AGBL1: variants seen among roughly 807,000 people sequenced by gnomAD.
The protein encoded by AGBL1 is AGBL carboxypeptidase 1.
In AGBL1, 130 loss-of-function variants were observed where a neutral mutation model predicts 118.9. That is an observed-to-expected ratio of 1.09 (90% CI 0.95 to 1.26). The LOEUF (loss-of-function observed/expected upper bound fraction) is 1.26. Among genes scored for constraint, AGBL1 ranks in the 50% most tolerant of loss-of-function variants. AGBL1 has a pLI of 0.00. For synonymous variants in AGBL1, 555 were observed against 478.9 expected (o/e 1.16, Z -2.08); for missense variants, 1,584 against 1,298.1 (o/e 1.22, Z -3.38).
At chr15:86,464,188 T>C (rs892436286) in intron 18 of AGBL1, among the ~76,000 whole-genome samples, 2 of 152,216 alleles carry the variant, frequency 1.3e-5, no homozygotes, top group African/African-American at 4.8e-5. Flanking sequence ...GGTATTTTAT[T>C]CTCTTTGTAG....
rs12592303 is a variant in AGBL1, at chr15:86,834,111, A to G, written c.3159-72976A>G. Among the ~76,000 whole-genome samples the G allele has an allele frequency of 5.3e-4, 81 of 152,204 alleles. 1 individual carries two copies. The highest frequency in any genetic ancestry group is 1.9e-3 in the African/African-American group (78 of 41,534). ...GAGGCATTATAGTTTCTCCTACACA[A>G]TGGAGACAAGGAAGCCCTATGTCGG... is the stretch of plus-strand genomic sequence containing the variant. On this transcript the variant is annotated intron_variant, in intron 22 of 22. Coordinates refer to ENST00000614907, the MANE Select transcript of AGBL1 (RefSeq NM_001386094.1).
intron 22 of AGBL1, among the ~76,000 whole-genome samples, chr15:86,786,770 C>T (rs1206380819): frequency 6.6e-6 from 1 of 151,838 alleles, no homozygotes; most frequent in Non-Finnish European, 1.5e-5. Flanking sequence ...TAGATCTAGC[C>T]CTTTAGTTTT....
At chr15:86,558,430 T>G (rs924494586) in intron 21 of AGBL1, among the ~76,000 whole-genome samples, 1 of 152,284 alleles carries the variant, frequency 6.6e-6, no homozygotes, top group African/African-American at 2.4e-5. Context: ...TAGATATCCC[T>G]ATAGGATTAG....
intron 21 of AGBL1, among the ~76,000 whole-genome samples, chr15:86,616,350 A>AT (rs1555430794): frequency 0.081 from 1,585 of 19,480 alleles, 40 homozygotes; most frequent in South Asian, 0.19. Flanking sequence ...AAAAAAAAAA[A>AT]AAAAAAAAAA....
intron 22 of AGBL1, among the ~76,000 whole-genome samples, chr15:86,687,725 G>T (rs1181734918): frequency 6.6e-6 from 1 of 152,074 alleles, no homozygotes; most frequent in Admixed American, 6.6e-5. Context: ...GCACGTTTTT[G>T]TTGAGTTTCC....
chr15:86,166,688 G>T (rs1299636211), intron 5 of AGBL1, among the ~76,000 whole-genome samples: 1 of 152,186 alleles, frequency 6.6e-6, no homozygotes, highest in Non-Finnish European at 1.5e-5. Context: ...ATTCAGGTGT[G>T]TTGGACTGGT....
chr15:86,287,137 G>T (rs62015561), intron 16 of AGBL1, among the ~76,000 whole-genome samples: 5,007 of 152,110 alleles, frequency 0.033, 104 homozygotes, highest in Middle Eastern at 0.071. Context: ...GTATCTGTTG[G>T]CCATTTGTAT....
intron 17 of AGBL1, among the ~76,000 whole-genome samples, chr15:86,390,563 A>G (rs2081261109): frequency 6.6e-6 from 1 of 151,922 alleles, no homozygotes; most frequent in Admixed American, 6.6e-5. Context: ...CGACTCAGTG[A>G]TTAAAAGAAA....
intron 21 of AGBL1, among the ~76,000 whole-genome samples, chr15:86,567,373 C>T (rs192764022): frequency 6.6e-6 from 1 of 152,150 alleles, no homozygotes; most frequent in East Asian, 1.9e-4. Context: ...TTTATTCTAT[C>T]TGTCAAAATT....
intron 21 of AGBL1, among the ~76,000 whole-genome samples, chr15:86,578,878 C>T (rs896613618): frequency 6.6e-6 from 1 of 152,090 alleles, no homozygotes; most frequent in Admixed American, 6.5e-5. Flanking sequence ...TGCTCAGTCT[C>T]GGGTATGTCT....
At chr15:86,279,520 G>T in intron 15 of AGBL1, 119 bp from the exon 16 acceptor site, 2 of 925,290 alleles carry the variant, frequency 2.2e-6, no homozygotes, top group Non-Finnish European at 3.2e-6. Context: ...TCAAGTGAAG[G>T]CCATTGTGCC....
At chr15:86,400,606 C>G (rs897214479) in intron 18 of AGBL1, among the ~76,000 whole-genome samples, 1 of 142,092 alleles carries the variant, frequency 7.0e-6, no homozygotes, top group Non-Finnish European at 1.5e-5. Flanking sequence ...TATCCCTCAC[C>G]CCCCAACTCT....
chr15:86,783,470 A>G (rs1272530749), intron 22 of AGBL1, among the ~76,000 whole-genome samples: 3 of 152,176 alleles, frequency 2.0e-5, no homozygotes, highest in Non-Finnish European at 4.4e-5. Context: ...CAAGAACAGG[A>G]AGAATGTGTG....
At chr15:86,704,421 G>T (rs946782415) in intron 22 of AGBL1, among the ~76,000 whole-genome samples, 1 of 151,932 alleles carries the variant, frequency 6.6e-6, no homozygotes, top group African/African-American at 2.4e-5. Context: ...AATCTACAAG[G>T]AACTTAAACA....
At chr15:86,229,187 T>C (rs1354916611) in intron 6 of AGBL1, among the ~76,000 whole-genome samples, 3 of 152,194 alleles carry the variant, frequency 2.0e-5, no homozygotes, top group Non-Finnish European at 4.4e-5. Flanking sequence ...CCTTTGTTTT[T>C]CCCTCTGTAT....
intron 17 of AGBL1, chr15:86,312,289 G>A (rs12916262): frequency 0.75 from 113,446 of 152,190 alleles, 42,721 homozygotes; most frequent in African/African-American, 0.84. Flanking sequence ...CATTCGCCCA[G>A]GCAAAGTTGT....
chr15:86,674,463 A>C, intron 22 of AGBL1, 27 bp downstream of exon 22: 10 of 1,586,392 alleles, frequency 6.3e-6, no homozygotes, highest in Non-Finnish European at 8.6e-6. Flanking sequence ...GGCTCAGAGA[A>C]ATTTGGACCT....
chr15:86,994,509 AAG>A (rs1317657829), intron 24 of AGBL1, among the ~76,000 whole-genome samples: 1 of 152,158 alleles, frequency 6.6e-6, no homozygotes, highest in East Asian at 1.9e-4. Flanking sequence ...AAGCCCTAGA[AAG>A]AGGCAATTCT....
chr15:86,636,501 T>A (rs991185243), intron 21 of AGBL1, among the ~76,000 whole-genome samples: 1 of 150,552 alleles, frequency 6.6e-6, no homozygotes, highest in Non-Finnish European at 1.5e-5. Context: ...ATAGTTTTTT[T>A]TTTTTCTGGA....
Sources: allele counts gnomAD v4.1 joint callset (sites outside exome capture counted in the v4.1 genomes callset), GRCh38; gene constraint gnomAD v4.1.1; transcripts MANE v1.5; gene names NCBI Gene and HGNC (gene_info 2026-07-23, HGNC 2026-07-21).